The following ATP8A2 variants were observed in gnomAD, a reference collection of about 807,000 sequenced individuals.
ATP8A2 encodes phospholipid-transporting ATPase IB.
Under a neutral mutation model 165.6 loss-of-function variants are expected in ATP8A2, and 100 were observed. The observed-to-expected ratio is 0.60, with a 90% CI of 0.51 to 0.71. ATP8A2 has a LOEUF of 0.71. Among genes scored for constraint, ATP8A2 ranks in the 30% least tolerant of loss-of-function variants. ATP8A2 has a pLI of 0.00. For missense variants in ATP8A2, 1,227 were observed against 1,479.5 expected, an observed-to-expected ratio of 0.83 and a Z score of 2.80; for synonymous variants, 543 against 548.8, an observed-to-expected ratio of 0.99 and a Z score of 0.15.
chr13:25,944,120 T>G (rs962741590), intron 33 of ATP8A2, among the ~76,000 whole-genome samples: 1 of 152,256 alleles, frequency 6.6e-6, no homozygotes, highest in Non-Finnish European at 1.5e-5. Context: ...TGCAGTTGAT[T>G]AAAATGAAAG....
intron 27 of ATP8A2, among the ~76,000 whole-genome samples, chr13:25,798,663 A>G (rs757197595): frequency 6.6e-6 from 1 of 152,214 alleles, no homozygotes; most frequent in Non-Finnish European, 1.5e-5. Context: ...TTAGAAAGAA[A>G]GAGCTGAGAG....
At chr13:25,412,273 T>A (rs2033989743) in intron 1 of ATP8A2, among the ~76,000 whole-genome samples, 1 of 152,094 alleles carries the variant, frequency 6.6e-6, no homozygotes, top group Non-Finnish European at 1.5e-5. Flanking sequence ...GTTTATCTAA[T>A]GATTCCTGCA....
At chr13:25,910,964 T>C (rs546327867) in intron 33 of ATP8A2, among the ~76,000 whole-genome samples, 26 of 151,360 alleles carry the variant, frequency 1.7e-4, no homozygotes, top group South Asian at 1.7e-3. Flanking sequence ...CTTGTGATGC[T>C]CCTCTGTTAT....
chr13:25,680,428 G>T (rs773738518), intron 24 of ATP8A2, among the ~76,000 whole-genome samples: 4 of 152,138 alleles, frequency 2.6e-5, no homozygotes, highest in Non-Finnish European at 4.4e-5. Context: ...AGGGAGTGTG[G>T]CTACCTTGAA....
At chr13:25,382,395 T>C (rs1421762090) in intron 1 of ATP8A2, among the ~76,000 whole-genome samples, 1 of 152,214 alleles carries the variant, frequency 6.6e-6, no homozygotes, top group Non-Finnish European at 1.5e-5. Flanking sequence ...CTATAAATAC[T>C]TCTGTGCAGG....
intron 24 of ATP8A2, among the ~76,000 whole-genome samples, chr13:25,652,097 T>A (rs2041826564): frequency 1.3e-5 from 2 of 152,168 alleles, no homozygotes; most frequent in South Asian, 4.1e-4. Flanking sequence ...CCTGAAGTGC[T>A]TTTTAGAGAC....
rs569439878 is a variant in ATP8A2, at chr13:25,994,566, A to G, written c.3378-17965A>G. Among the ~76,000 whole-genome samples the G allele has an allele frequency of 3.9e-5, 6 of 152,124 alleles. No individual in the cohort carries two copies. The South Asian group carries it at 1.2e-3, about 32-fold the overall frequency. On this transcript the variant is annotated intron_variant, in intron 35 of 36. Coordinates refer to ENST00000381655, the MANE Select transcript of ATP8A2 (RefSeq NM_016529.6). ...GGAGTTCTTTTCTTAATTTGCTAAGAGATTTTTTGTTTGTTTTTAACTCAT... is the reference window on the plus strand; with the variant it reads ...GGAGTTCTTTTCTTAATTTGCTAAGGGATTTTTTGTTTGTTTTTAACTCAT...
At chr13:25,825,779 ATGT>A (rs1262139535) in intron 27 of ATP8A2, among the ~76,000 whole-genome samples, 1 of 152,106 alleles carries the variant, frequency 6.6e-6, no homozygotes, top group Admixed American at 6.6e-5. Flanking sequence ...ATTTGAATAA[ATGT>A]TGTAGGAATT....
chr13:25,651,644 G>C (rs900424974), intron 24 of ATP8A2, among the ~76,000 whole-genome samples: 2 of 151,946 alleles, frequency 1.3e-5, no homozygotes, highest in African/African-American at 4.8e-5. Context: ...TTAGAGAATT[G>C]TGATCAGGGG....
intron 1 of ATP8A2, among the ~76,000 whole-genome samples, chr13:25,466,722 TG>T (rs1472735629): frequency 6.6e-6 from 1 of 152,134 alleles, no homozygotes; most frequent in African/African-American, 2.4e-5. Context: ...GAAGCTGCAT[TG>T]GTAATACTAA....
intron 35 of ATP8A2, among the ~76,000 whole-genome samples, chr13:26,003,667 G>A (rs1478909047): frequency 6.6e-6 from 1 of 152,100 alleles, no homozygotes; most frequent in East Asian, 1.9e-4. Flanking sequence ...GTATATATAA[G>A]TCTTTAATTC....
intron 33 of ATP8A2, among the ~76,000 whole-genome samples, chr13:25,957,572 T>A (rs1204719253): frequency 6.6e-6 from 1 of 152,182 alleles, no homozygotes; most frequent in Non-Finnish European, 1.5e-5. Context: ...GAGATACCAT[T>A]TGACGCCAGT....
intron 2 of ATP8A2, 55 bp from the exon 3 acceptor site, chr13:25,529,944 G>A: frequency 1.0e-6 from 1 of 964,716 alleles, no homozygotes; most frequent in Non-Finnish European, 1.6e-6. Context: ...TCCTGTTCTT[G>A]TGTTTTAGAG....
intron 35 of ATP8A2, among the ~76,000 whole-genome samples, chr13:25,996,479 G>A (rs577920793): frequency 1.8e-4 from 28 of 152,168 alleles, no homozygotes; most frequent in Admixed American, 3.3e-4. Flanking sequence ...TATGTTCCAA[G>A]ATTTCTTCTT....
chr13:25,574,417 T>C (rs2039556858), intron 18 of ATP8A2, among the ~76,000 whole-genome samples: 1 of 152,224 alleles, frequency 6.6e-6, no homozygotes, highest in Non-Finnish European at 1.5e-5. Context: ...AAAGCGGATG[T>C]GTTGTGTACC....
chr13:25,393,698 G>A (rs572421809), intron 1 of ATP8A2, among the ~76,000 whole-genome samples: 1 of 152,336 alleles, frequency 6.6e-6, no homozygotes, highest in African/African-American at 2.4e-5. Flanking sequence ...TTACAGGCAT[G>A]AGCCACTGTG....
In ATP8A2 at chr13:25,697,992, G is replaced by A. The variant is rs932619489; in HGVS notation, c.2212-1181G>A. Among the ~76,000 whole-genome samples, 4 of 152,252 alleles carry A rather than the reference G, an allele frequency of 2.6e-5. No individual in the cohort carries two copies. In the South Asian group the frequency reaches 8.3e-4, roughly 32 times the overall value. On this transcript the variant is annotated intron_variant, in intron 24 of 36. Transcript: ENST00000381655. ...ATCCTCAATTTTACTAGAGGTAGAA[G>A]GATTCTTGTTAATTAAACATATTTC...
intron 33 of ATP8A2, among the ~76,000 whole-genome samples, chr13:25,872,860 T>C (rs1438844466): frequency 2.0e-5 from 3 of 152,090 alleles, no homozygotes; most frequent in Non-Finnish European, 2.9e-5. Context: ...CTTTGAGATG[T>C]AGCCAACATA....
In ATP8A2 at chr13:25,511,442, G is replaced by T. The variant is rs1243268752; in HGVS notation, c.222-18557G>T. On this transcript the variant is annotated intron_variant, in intron 2 of 36. Transcript: ENST00000381655. ...CCCAGAACTTTCTCACTGCTTTCTT[G>T]AGTTGTATTCCCTGATATTTAGACA... Among the ~76,000 whole-genome samples, 4 of 152,130 alleles carry T rather than the reference G, an allele frequency of 2.6e-5. No individual in the cohort carries two copies. The East Asian group carries it at 7.7e-4, about 29-fold the overall frequency.
Sources: gnomAD v4.1 joint callset for allele counts (sites outside exome capture counted in the v4.1 genomes callset) on GRCh38, gnomAD v4.1.1 for gene constraint, MANE v1.5 for transcripts, NCBI Gene and HGNC (gene_info 2026-07-23, HGNC 2026-07-21) for gene names.